NAV2: variants seen among roughly 807,000 people sequenced by gnomAD.
The protein encoded by NAV2 is neuron navigator 2.
In NAV2, 54 loss-of-function variants were observed where a neutral mutation model predicts 223.2. The ratio of observed to expected loss-of-function variants is 0.24; its 90% CI spans 0.19 to 0.30. The LOEUF (loss-of-function observed/expected upper bound fraction) is 0.30, where lower values mean the gene tolerates loss of function less well. Among genes scored for constraint, NAV2 ranks in the 10% least tolerant of loss-of-function variants. The pLI is 1.00. For synonymous variants in NAV2, 1,279 were observed against 1,239.3 expected (o/e 1.03, Z -0.67); for missense variants, 2,806 against 3,147.5 (o/e 0.89, Z 2.60).
chr11:20,080,532 A>G (rs1398305672), intron 25 of NAV2, among the ~76,000 whole-genome samples: 2 of 150,676 alleles, frequency 1.3e-5, no homozygotes, highest in Non-Finnish European at 2.9e-5. Flanking sequence ...GTACTAGAGG[A>G]AAGTTATTCT....
At chr11:19,919,846 G>C (rs1181682263) in intron 6 of NAV2, among the ~76,000 whole-genome samples, 1 of 152,158 alleles carries the variant, frequency 6.6e-6, no homozygotes, top group Admixed American at 6.5e-5. Flanking sequence ...ATTAAGAAGA[G>C]CATGGGGCCA....
Position 19,934,127 on chromosome 11 carries a change from C to T in NAV2, c.1883C>T (p.Thr628Ile), listed in dbSNP as rs762844154. 3.7e-6 allele frequency: 6 copies of T among 1,614,160 alleles called. No homozygotes were observed. The highest frequency in any genetic ancestry group is 5.1e-6 in the Non-Finnish European group (6 of 1,180,014). The part of the protein sequence containing the change: ...SSEGKGPGGT[T>I]LNHSISSQTV... Reference sequence around the variant, plus strand: ...GAAGGAAAAGGCCCAGGAGGGACCACCCTGAACCACAGCATCAGCAGCCAG... The same window carrying T: ...GAAGGAAAAGGCCCAGGAGGGACCATCCTGAACCACAGCATCAGCAGCCAG... Residue 628 changes from threonine (T) to isoleucine (I), a missense_variant, in exon 7 of 38, where the codon ACC (threonine) becomes ATC (isoleucine). By Grantham distance (89) the Thr-to-Ile change is moderately conservative (BLOSUM62 -1). Around this residue, in one of 4 missense-constraint regions of NAV2, gnomAD observed 1,167 missense variants for 1,180.5 expected, o/e 0.99. Transcript: ENST00000349880.
At chr11:19,642,084 G>A (rs1241171706) in intron 1 of NAV2, among the ~76,000 whole-genome samples, 2 of 152,180 alleles carry the variant, frequency 1.3e-5, no homozygotes, top group Admixed American at 6.5e-5. Context: ...TTGCCGAGAT[G>A]GAAAGTTGAA....
chr11:19,539,084 C>G (rs1037620523), intron 1 of NAV2, among the ~76,000 whole-genome samples: 1 of 152,150 alleles, frequency 6.6e-6, no homozygotes, highest in Non-Finnish European at 1.5e-5. Context: ...CTCCCCTTCC[C>G]CTGAACTGTA....
chr11:19,818,231 A>ATTTTTTT (rs34649376), intron 1 of NAV2, among the ~76,000 whole-genome samples: 11 of 56,040 alleles, frequency 2.0e-4, no homozygotes, highest in African/African-American at 6.9e-4. Flanking sequence ...GTATTTAGTG[A>ATTTTTTT]TTTTTTTTTT....
At chr11:19,801,651 G>T (rs1037185239) in intron 1 of NAV2, among the ~76,000 whole-genome samples, 1 of 152,202 alleles carries the variant, frequency 6.6e-6, no homozygotes, top group African/African-American at 2.4e-5. Context: ...GGAGGATGTG[G>T]CTGAGCTGGA....
intron 10 of NAV2, among the ~76,000 whole-genome samples, chr11:19,960,614 T>C (rs1402580779): frequency 6.6e-6 from 1 of 150,862 alleles, no homozygotes; most frequent in African/African-American, 2.4e-5. Context: ...TATTTATTTA[T>C]TTATTTATTT....
intron 1 of NAV2, among the ~76,000 whole-genome samples, chr11:19,480,962 G>A (rs1037434447): frequency 6.6e-6 from 1 of 152,200 alleles, no homozygotes; most frequent in Non-Finnish European, 1.5e-5. Flanking sequence ...AGCCTGAAGG[G>A]GAGGAATAGA....
Position 20,101,116 on chromosome 11 carries a change from C to T in NAV2, c.6361C>T (p.Arg2121Trp), listed in dbSNP as rs763014981. Residue 2121 changes from arginine (R) to tryptophan (W), a missense_variant, in exon 32 of 38, where the codon CGG (arginine) becomes TGG (tryptophan). Transcript: ENST00000349880. ...LSEYIVLREG[R>W]ELTDGVIATF... The stretch of plus-strand genomic sequence containing the variant: ...TGAGTATATAGTGCTTCGAGAGGGA[C>T]GGGAGTTGACAGACGGGGTTATCGC... The T allele has an allele frequency of 2.8e-5, 46 of 1,614,112 alleles. No homozygotes were observed. Among genetic ancestry groups the T allele is most frequent in the East Asian group, 2.5e-4 (11 of 44,872 alleles).
upstream of NAV2, among the ~76,000 whole-genome samples, chr11:19,350,261 G>A (rs946387932): frequency 6.6e-6 from 1 of 152,146 alleles, no homozygotes; most frequent in African/African-American, 2.4e-5. Context: ...AACGATCATC[G>A]GCTGCTGCTT....
chr11:20,004,341 C>CT (rs1343920265), intron 11 of NAV2, among the ~76,000 whole-genome samples: 1 of 152,134 alleles, frequency 6.6e-6, no homozygotes, highest in African/African-American at 2.4e-5. Context: ...TAATCCACAC[C>CT]TTTTTTGTGC....
chr11:19,541,274 G>A (rs1045412596), intron 1 of NAV2, among the ~76,000 whole-genome samples: 16 of 152,168 alleles, frequency 1.1e-4, no homozygotes, highest in African/African-American at 2.9e-4. Context: ...TCCATCTTCC[G>A]GCATCTACTA....
chr11:20,024,923 G>C (rs1377497134), intron 11 of NAV2, among the ~76,000 whole-genome samples: 1 of 152,182 alleles, frequency 6.6e-6, no homozygotes, highest in Non-Finnish European at 1.5e-5. Context: ...TAATTTCTTT[G>C]AGATGTTTTA....
chr11:19,431,901 C>T (rs1045762463), intron 1 of NAV2, among the ~76,000 whole-genome samples: 3 of 152,128 alleles, frequency 2.0e-5, no homozygotes, highest in African/African-American at 7.2e-5. Context: ...ATCTGGTTGT[C>T]GAAAGTATTG....
chr11:19,778,460 A>G (rs2056463093), intron 1 of NAV2: 3 of 428,316 alleles, frequency 7.0e-6, no homozygotes, highest in South Asian at 3.3e-5. Flanking sequence ...ACTGGAATGC[A>G]TACTTACTGG....
chr11:19,426,045 G>A (rs544565340), intron 1 of NAV2, among the ~76,000 whole-genome samples: 270 of 152,268 alleles, frequency 1.8e-3, no homozygotes, highest in African/African-American at 5.8e-3. Flanking sequence ...CTGAAGTTGC[G>A]CTGTTTCAGA....
chr11:19,422,196 G>A (rs945014896), intron 1 of NAV2, among the ~76,000 whole-genome samples: 1 of 152,184 alleles, frequency 6.6e-6, no homozygotes, highest in African/African-American at 2.4e-5. Context: ...ATGCTGCTCT[G>A]TGAGTCCTTG....
intron 1 of NAV2, among the ~76,000 whole-genome samples, chr11:19,655,540 C>T (rs1256924707): frequency 6.6e-6 from 1 of 152,044 alleles, no homozygotes; most frequent in Non-Finnish European, 1.5e-5. Flanking sequence ...GGCACATATA[C>T]ACCATGGAAT....
chr11:19,964,774 T>G (rs2048621483), intron 10 of NAV2, among the ~76,000 whole-genome samples: 1 of 150,154 alleles, frequency 6.7e-6, no homozygotes, highest in Admixed American at 6.7e-5. Flanking sequence ...ACGTTGGGAT[T>G]ACAGGCATAA....
Sources: gnomAD v4.1 joint callset for allele counts (sites outside exome capture counted in the v4.1 genomes callset) on GRCh38, gnomAD v4.1.1 for gene constraint, gnomAD v4.1.1 regional missense constraint, MANE v1.5 for transcripts, NCBI Gene and HGNC (gene_info 2026-07-23, HGNC 2026-07-21) for gene names.